Variants in LAMC1 observed in about 807,000 individuals in gnomAD.
The protein encoded by LAMC1 is laminin subunit gamma 1.
Under a neutral mutation model 173.6 loss-of-function variants are expected in LAMC1, and 38 were observed. That is an observed-to-expected ratio of 0.22 (90% CI 0.17 to 0.29). The LOEUF is 0.29. LAMC1 is among the 10% of genes least tolerant of loss of function. The pLI is 1.00. For synonymous variants in LAMC1, 746 were observed against 749.1 expected, an observed-to-expected ratio of 1.00 and a Z score of 0.07; for missense variants, 1,824 against 2,051.8, an observed-to-expected ratio of 0.89 and a Z score of 2.14.
At chr1:183,050,390 T>A (rs951194835) in intron 1 of LAMC1, among the ~76,000 whole-genome samples, 1 of 149,100 alleles carries the variant, frequency 6.7e-6, no homozygotes, top group African/African-American at 2.5e-5. Context: ...CACGCCATTC[T>A]CCTGCCTCAG....
At chr1:183,136,720 C>CTTTTT (rs11306131) in intron 25 of LAMC1, 135 bp downstream of exon 25, 1 of 546,522 alleles carries the variant, frequency 1.8e-6, no homozygotes, top group Non-Finnish European at 3.2e-6. Flanking sequence ...CCATATTTGT[C>CTTTTT]TTTTTTTTTT....
chr1:183,120,605 G>A (rs954992715), intron 11 of LAMC1, among the ~76,000 whole-genome samples: 1 of 152,176 alleles, frequency 6.6e-6, no homozygotes, highest in African/African-American at 2.4e-5. Flanking sequence ...GGAGATTACA[G>A]GGAAATATGA....
At position 183,116,604 on chromosome 1, in the gene LAMC1, C is replaced by T; in HGVS notation, c.1356C>T (p.Ser452=). The T allele has an allele frequency of 6.2e-7, 1 of 1,612,164 alleles. No individual in the cohort carries two copies. The highest frequency in any genetic ancestry group is 8.5e-7 in the Non-Finnish European group (1 of 1,178,384). The change falls in exon 7 of 28, where the codon AGC becomes AGT. Residue 452 remains serine, a synonymous_variant. Coordinates refer to ENST00000258341, the MANE Select transcript of LAMC1 (RefSeq NM_002293.4). ...CRPCSCDPSG[S]IDECNIETGR... Reference sequence around the variant, plus strand: ...CATGCTCTTGTGATCCCTCTGGCAGCATAGATGAATGTAATATTGAAACAG... The same window carrying T: ...CATGCTCTTGTGATCCCTCTGGCAGTATAGATGAATGTAATATTGAAACAG...
rs202131230 is a variant in LAMC1 at position 183,136,591 on chromosome 1, C to T, written c.4314+6C>T. ...TCGCGAGCGCTGTCCAAAAGGTGTGCGTTTCCTCTTCTCCAAGAGTCCCTG... is the reference window on the plus strand; with the variant it reads ...TCGCGAGCGCTGTCCAAAAGGTGTGTGTTTCCTCTTCTCCAAGAGTCCCTG... On this transcript the variant is annotated splice_donor_region_variant and intron_variant, in intron 25 of 27. Coordinates refer to ENST00000258341, the MANE Select transcript of LAMC1 (RefSeq NM_002293.4). 65 of 1,585,480 alleles carry T rather than the reference C, an allele frequency of 4.1e-5. No homozygotes were observed. The highest frequency in any genetic ancestry group is 9.1e-5 in the East Asian group (4 of 43,792).
intron 11 of LAMC1, among the ~76,000 whole-genome samples, chr1:183,120,004 C>T (rs1260012682): frequency 6.6e-6 from 1 of 151,518 alleles, no homozygotes; most frequent in Non-Finnish European, 1.5e-5. Context: ...GATTCTGTCT[C>T]TATAAATCAA....
At chr1:183,096,010 T>C (rs1000639327) in intron 1 of LAMC1, among the ~76,000 whole-genome samples, 8 of 152,228 alleles carry the variant, frequency 5.3e-5, no homozygotes, top group African/African-American at 1.9e-4. Flanking sequence ...TGTTTTATGA[T>C]CACATTTTAA....
rs142913656 is a variant in LAMC1, at chr1:183,096,861, A to G, written c.419-6467A>G. Among the ~76,000 whole-genome samples the G allele has an allele frequency of 2.7e-3, 410 of 152,332 alleles. 2 individuals carry two copies. Among genetic ancestry groups the G allele is most frequent in the African/African-American group, 7.6e-3 (316 of 41,582 alleles). On this transcript the variant is annotated intron_variant, in intron 1 of 27. Transcript: ENST00000258341. ...TTTTTAAAAACAAACAATTTTGAAG[A>G]TAAGTTTTAGCCAATAGAAACTAGC...
intron 1 of LAMC1, among the ~76,000 whole-genome samples, chr1:183,062,003 C>T (rs895804529): frequency 1.1e-4 from 17 of 152,344 alleles, no homozygotes; most frequent in African/African-American, 4.1e-4. Flanking sequence ...TGCACGTTTG[C>T]ATACAGCAGT....
At chr1:183,109,764 C>T (rs370939238) in intron 3 of LAMC1, among the ~76,000 whole-genome samples, 9 of 152,128 alleles carry the variant, frequency 5.9e-5, no homozygotes, top group African/African-American at 1.2e-4. Context: ...GGGAACATTA[C>T]GACTCCATGG....
At chr1:183,056,222 A>G (rs188724909) in intron 1 of LAMC1, among the ~76,000 whole-genome samples, 6 of 152,280 alleles carry the variant, frequency 3.9e-5, no homozygotes, top group Admixed American at 1.3e-4. Flanking sequence ...AAAGTTCCAT[A>G]ATTTCCTCAG....
At position 183,023,906 on chromosome 1, in the gene LAMC1, G is replaced by T; in HGVS notation, c.190G>T (p.Val64Leu). The T allele has an allele frequency of 6.2e-7, 1 of 1,613,212 alleles. No homozygotes were observed. The highest frequency in any genetic ancestry group is 8.5e-7 in the Non-Finnish European group (1 of 1,179,926). The change falls in exon 1 of 28, where the codon GTG (valine) becomes TTG (leucine). Residue 64 changes from valine (V) to leucine (L), a missense_variant. By Grantham distance (32) the Val-to-Leu change is conservative. Coordinates refer to ENST00000258341, the MANE Select transcript of LAMC1 (RefSeq NM_002293.4). ...FVNAAFNVTV[V>L]ATNTCGTPPE... ...CAACGCCGCCTTCAACGTGACTGTGGTGGCCACCAACACGTGTGGGACTCC... is the reference window on the plus strand; with the variant it reads ...CAACGCCGCCTTCAACGTGACTGTGTTGGCCACCAACACGTGTGGGACTCC...
intron 2 of LAMC1, among the ~76,000 whole-genome samples, chr1:183,107,568 C>T (rs1325479529): frequency 2.6e-5 from 4 of 152,264 alleles, no homozygotes; most frequent in East Asian, 1.9e-4. Context: ...TGGTGGCTCA[C>T]GCCTGTAATC....
At chr1:183,080,727 C>T (rs969627577) in intron 1 of LAMC1, among the ~76,000 whole-genome samples, 1 of 151,578 alleles carries the variant, frequency 6.6e-6, no homozygotes, top group Non-Finnish European at 1.5e-5. Flanking sequence ...CTGTGTTAAA[C>T]AAGAAACTTA....
At chr1:183,061,979 G>C (rs1309054880) in intron 1 of LAMC1, among the ~76,000 whole-genome samples, 1 of 152,236 alleles carries the variant, frequency 6.6e-6, no homozygotes, top group Non-Finnish European at 1.5e-5. Context: ...TCTGACTATA[G>C]TGCCAGTTGA....
rs777279234 is a variant in LAMC1, at chr1:183,131,424, A to G, written c.3566+46A>G. 145 of 1,058,516 alleles carry G rather than the reference A, an allele frequency of 1.4e-4. No individual in the cohort carries two copies. The East Asian group carries it at 1.6e-3, about 12-fold the overall frequency. The allele number at this position is 1,058,516 out of a possible 1,614,324, so 65.6% of individuals were successfully genotyped here. A position where few individuals can be genotyped will look rare whatever the true frequency, so the allele number is the denominator to read the frequency against. On this transcript the variant is annotated intron_variant, in intron 20 of 27. Transcript: ENST00000258341. ...TAATGGTTAAGTTGTGGCTTCTGTT[A>G]TGGGGTGTGTGTGTGTGTGTGTGTG... is the stretch of plus-strand genomic sequence containing the variant.
intron 1 of LAMC1, 152 bp downstream of exon 1, chr1:183,024,286 A>T (rs1310959627): frequency 5.6e-6 from 4 of 715,528 alleles, no homozygotes. Flanking sequence ...CCTTTCTCCA[A>T]CTTCTTAAAT....
intron 1 of LAMC1, among the ~76,000 whole-genome samples, chr1:183,066,976 TGTAAA>T (rs1654890750): frequency 6.6e-6 from 1 of 152,028 alleles, no homozygotes; most frequent in African/African-American, 2.4e-5. Context: ...TAAAAAAAAA[TGTAAA>T]GAAAAGCATC....
intron 1 of LAMC1, among the ~76,000 whole-genome samples, chr1:183,077,013 G>A (rs1032301016): frequency 6.6e-6 from 1 of 152,224 alleles, no homozygotes; most frequent in Non-Finnish European, 1.5e-5. Context: ...GTCTCTTGAA[G>A]TAGCCAAGAT....
chr1:183,023,895 A>C lies in LAMC1; in HGVS notation c.179A>C (p.Asn60Thr). ...CMPEFVNAAF[N>T]VTVVATNTCG... ...CCCGAGTTCGTCAACGCCGCCTTCA[A>C]CGTGACTGTGGTGGCCACCAACACG... is the stretch of plus-strand genomic sequence containing the variant. The change falls in exon 1 of 28, where the codon AAC (asparagine) becomes ACC (threonine). Residue 60 changes from asparagine (N) to threonine (T), a missense_variant. By Grantham distance (65) the Asn-to-Thr change is moderately conservative. Transcript: ENST00000258341. 8 of 1,612,990 alleles carry C rather than the reference A, an allele frequency of 5.0e-6. No homozygotes were observed. Among genetic ancestry groups the C allele is most frequent in the Non-Finnish European group, 6.8e-6 (8 of 1,179,812 alleles).
Sources: gnomAD v4.1 joint callset for allele counts (sites outside exome capture counted in the v4.1 genomes callset) on GRCh38, gnomAD v4.1.1 for gene constraint, MANE v1.5 for transcripts, NCBI Gene and HGNC (gene_info 2026-07-23, HGNC 2026-07-21) for gene names.